PKHD1: variants seen among roughly 807,000 people sequenced by gnomAD.
PKHD1 encodes fibrocystin.
In PKHD1, 291 loss-of-function variants were observed where a neutral mutation model predicts 412.0. That is an observed-to-expected ratio of 0.71 (90% CI 0.64 to 0.78). PKHD1 has a LOEUF of 0.78. Ranked by LOEUF, PKHD1 falls within the 30% of genes least tolerant of loss-of-function variation. The probability of loss-of-function intolerance (pLI) is 0.00; values close to 1 mark genes in which losing one functional copy is unlikely to be tolerated. For missense variants in PKHD1, 4,825 were observed against 4,950.7 expected, an observed-to-expected ratio of 0.97 and a Z score of 0.76; for synonymous variants, 1,777 against 1,821.5, an observed-to-expected ratio of 0.98 and a Z score of 0.62.
rs117603959 is a variant in PKHD1, at chr6:51,630,051, C to A, written c.11665+2514G>T. Among the ~76,000 whole-genome samples the A allele has an allele frequency of 8.5e-5, 13 of 152,174 alleles. No individual in the cohort carries two copies. The East Asian group carries it at 1.4e-3, about 16-fold the overall frequency. On this transcript the variant is annotated intron_variant, in intron 65 of 66. Transcript: ENST00000371117. ...TATGTCAACGTTGAGAAGATCTTCACGACTCCGTGAAACAATATTTTCAAA... is the reference window on the plus strand; with the variant it reads ...TATGTCAACGTTGAGAAGATCTTCAAGACTCCGTGAAACAATATTTTCAAA...
At chr6:51,939,875 C>T (rs1788191136) in intron 36 of PKHD1, among the ~76,000 whole-genome samples, 1 of 151,472 alleles carries the variant, frequency 6.6e-6, no homozygotes, top group Non-Finnish European at 1.5e-5. Flanking sequence ...CCTCTGCTCC[C>T]CCACCCTATA....
intron 60 of PKHD1, among the ~76,000 whole-genome samples, chr6:51,738,249 G>T (rs1201823888): frequency 1.3e-5 from 2 of 152,180 alleles, no homozygotes; most frequent in Non-Finnish European, 1.5e-5. Context: ...TTTTCAGGGA[G>T]CAAGGAAAAT....
chr6:51,694,479 G>A (rs1415588520), intron 60 of PKHD1, among the ~76,000 whole-genome samples: 2 of 144,508 alleles, frequency 1.4e-5, no homozygotes, highest in East Asian at 4.1e-4. Flanking sequence ...TCCCTCCCTG[G>A]TTCAAGCAAT....
At chr6:51,805,933 G>A (rs917720588) in intron 52 of PKHD1, among the ~76,000 whole-genome samples, 1 of 152,078 alleles carries the variant, frequency 6.6e-6, no homozygotes, top group Non-Finnish European at 1.5e-5. Context: ...ATTGTGAATA[G>A]TGCCACAATA....
At chr6:52,058,245 T>G (rs1165770228) in intron 16 of PKHD1, 78 bp downstream of exon 16, 3 of 1,460,784 alleles carry the variant, frequency 2.1e-6, no homozygotes, top group Non-Finnish European at 1.9e-6. Flanking sequence ...GTCGCCAGAC[T>G]CCCAGTCAGT....
At chr6:51,940,274 G>A (rs552921418) in intron 36 of PKHD1, among the ~76,000 whole-genome samples, 98 of 151,810 alleles carry the variant, frequency 6.5e-4, no homozygotes, top group African/African-American at 2.3e-3. Flanking sequence ...AATTAACCTT[G>A]CCTTCAAGGT....
rs372093505 is a variant in PKHD1, at chr6:51,944,002, A to G, written c.5909-9680T>C. On this transcript the variant is annotated intron_variant, in intron 36 of 66. Coordinates refer to ENST00000371117, the MANE Select transcript of PKHD1 (RefSeq NM_138694.4). ...CAGGAATGTCAGGCCTCTGAGCCCA[A>G]GCTAAGCCATCATATCCCCTGTGAC... Among the ~76,000 whole-genome samples the G allele has an allele frequency of 6.8e-4, 103 of 152,074 alleles. 1 individual carries two copies. The highest frequency in any genetic ancestry group is 2.4e-3 in the African/African-American group (99 of 41,568).
chr6:51,624,375 T>A (rs891312675), intron 66 of PKHD1, among the ~76,000 whole-genome samples: 5 of 152,238 alleles, frequency 3.3e-5, no homozygotes, highest in Admixed American at 3.3e-4. Context: ...TTTCCAAACA[T>A]AGTTTTGCTT....
intron 55 of PKHD1, among the ~76,000 whole-genome samples, chr6:51,756,635 AT>A (rs1263952785): frequency 1.3e-5 from 2 of 152,150 alleles, no homozygotes; most frequent in East Asian, 3.9e-4. Context: ...AATATGCTCC[AT>A]TTTTTAATAA....
At chr6:51,917,493 T>C (rs1784011036) in intron 37 of PKHD1, among the ~76,000 whole-genome samples, 1 of 151,958 alleles carries the variant, frequency 6.6e-6, no homozygotes, top group South Asian at 2.1e-4. Context: ...AGAAGTGCAC[T>C]GTGCAAGGTG....
chr6:51,956,136 GGT>G (rs1301225019), intron 36 of PKHD1, among the ~76,000 whole-genome samples: 2 of 151,920 alleles, frequency 1.3e-5, no homozygotes, highest in African/African-American at 4.8e-5. Context: ...TGAAGACTTT[GGT>G]CATATGCCTT....
intron 4 of PKHD1, among the ~76,000 whole-genome samples, chr6:52,080,984 C>T (rs945479470): frequency 2.0e-4 from 31 of 152,176 alleles, no homozygotes; most frequent in African/African-American, 7.5e-4. Context: ...GCTGCAATGG[C>T]TGTTTTAGAG....
intron 55 of PKHD1, among the ~76,000 whole-genome samples, chr6:51,766,776 GC>G (rs1789118752): frequency 6.6e-6 from 1 of 151,740 alleles, no homozygotes; most frequent in Non-Finnish European, 1.5e-5. Context: ...TATACCTAAT[GC>G]TAAATGACGA....
intron 10 of PKHD1, among the ~76,000 whole-genome samples, chr6:52,069,872 T>C (rs997700092): frequency 1.3e-5 from 2 of 152,168 alleles, no homozygotes; most frequent in Non-Finnish European, 1.5e-5. Flanking sequence ...ATCTCCATAC[T>C]TTGGGCTGTA....
intron 46 of PKHD1, among the ~76,000 whole-genome samples, chr6:51,871,779 G>A (rs1776014560): frequency 8.4e-6 from 1 of 119,056 alleles, no homozygotes; most frequent in South Asian, 2.5e-4. Flanking sequence ...CAAGCTGCTA[G>A]TGCCTCACTG....
At chr6:51,629,779 A>G (rs553361044) in intron 65 of PKHD1, among the ~76,000 whole-genome samples, 1 of 152,272 alleles carries the variant, frequency 6.6e-6, no homozygotes, top group African/African-American at 2.4e-5. Context: ...AGCTTGAAAT[A>G]ATGATTGAGA....
intron 45 of PKHD1, among the ~76,000 whole-genome samples, chr6:51,885,564 C>A (rs1012866802): frequency 6.6e-6 from 1 of 152,138 alleles, no homozygotes; most frequent in Non-Finnish European, 1.5e-5. Context: ...GAATAGGGAA[C>A]CTCTGTGATC....
chr6:51,869,385 T>G (rs1775607215), intron 47 of PKHD1, among the ~76,000 whole-genome samples: 1 of 152,168 alleles, frequency 6.6e-6, no homozygotes, highest in Non-Finnish European at 1.5e-5. Flanking sequence ...ACTGACTTTG[T>G]TGAGTCCTCT....
chr6:51,934,356 G>A (rs778443438), intron 36 of PKHD1, 34 bp from the exon 37 acceptor site: 5 of 1,411,718 alleles, frequency 3.5e-6, no homozygotes, highest in South Asian at 1.1e-5. Context: ...CAGTCCCTGG[G>A]AGGATAAGGC....
Sources: allele counts gnomAD v4.1 joint callset (sites outside exome capture counted in the v4.1 genomes callset), GRCh38; gene constraint gnomAD v4.1.1; transcripts MANE v1.5; gene names NCBI Gene and HGNC (gene_info 2026-07-23, HGNC 2026-07-21).